OFD1: variants seen among roughly 807,000 people sequenced by gnomAD.
OFD1 encodes centriole and centriolar satellite protein OFD1.
Under a neutral mutation model 81.4 loss-of-function variants are expected in OFD1, and 12 were observed. The ratio of observed to expected loss-of-function variants is 0.15; its 90% CI spans 0.09 to 0.24. The LOEUF (loss-of-function observed/expected upper bound fraction) is 0.24, where lower values mean the gene tolerates loss of function less well. OFD1 is among the 10% of genes least tolerant of loss of function. The pLI is 1.00. For synonymous variants in OFD1, 256 were observed against 263.7 expected (o/e 0.97, Z 0.28); for missense variants, 685 against 733.9 (o/e 0.93, Z 0.77).
rs1349490936 is a variant in OFD1, at chrX:13,734,752, G to A, written c.-320G>A. 11 of 1,041,508 alleles carry A rather than the reference G, an allele frequency of 1.1e-5. No homozygotes were observed. The highest frequency in any genetic ancestry group is 3.8e-4 in the Middle Eastern group (1 of 2,605). 85.8% of individuals were successfully genotyped at this position (1,041,508 alleles called of 1,213,427 possible). The stretch of plus-strand genomic sequence containing the variant: ...CAGGTTTCCGGAAGTTGCCGGACTG[G>A]CTGTGAGGCGGTCCTGCCTCGCTGC... On this transcript the variant is annotated 5_prime_UTR_variant, in exon 1 of 23. Coordinates refer to ENST00000340096, the MANE Select transcript of OFD1 (RefSeq NM_003611.3).
At chrX:13,733,205 T>G (rs1222138203), upstream of OFD1, among the ~76,000 whole-genome samples, 1 of 110,923 alleles carries the variant, frequency 9.0e-6, no homozygotes, top group Non-Finnish European at 1.9e-5. Context: ...CATATCAACA[T>G]CTTTTTAGAA....
chrX:13,744,970 A>G (rs1333142489), intron 6 of OFD1, among the ~76,000 whole-genome samples: 2 of 112,111 alleles, frequency 1.8e-5, no homozygotes, highest in Non-Finnish European at 3.8e-5. Context: ...TCTGCATCAG[A>G]ACTAATAGTG....
chrX:13,751,059 A>G (rs1301082083), intron 9 of OFD1, among the ~76,000 whole-genome samples, 190 bp from the exon 10 acceptor site: 3 of 112,036 alleles, frequency 2.7e-5, no homozygotes, highest in African/African-American at 9.7e-5. Flanking sequence ...CAATTCTGCT[A>G]GTTTCAATAT....
upstream of OFD1, chrX:13,734,685 C>T: frequency 9.5e-6 from 9 of 951,799 alleles, no homozygotes; most frequent in Non-Finnish European, 1.2e-5. Flanking sequence ...GGCAACCAAG[C>T]TCATGCGCCG....
In OFD1 at chrX:13,769,210, A is replaced by T; in HGVS notation, c.*102A>T. The T allele has an allele frequency of 1.5e-6, 1 of 679,225 alleles. No homozygotes were observed. The highest frequency in any genetic ancestry group is 2.4e-6 in the Non-Finnish European group (1 of 418,566). The allele number at this position is 679,225 out of a possible 1,213,427, so 56.0% of individuals were successfully genotyped here. ...TATCATCAGACAAAACTCAATAAAA[A>T]TGTGTGTAATCCAATGTGGGTTTTT... On this transcript the variant is annotated 3_prime_UTR_variant, in exon 23 of 23. Transcript: ENST00000340096.
At chrX:13,722,392 G>T in the OFD1 span, among the ~76,000 whole-genome samples, 4 of 110,582 alleles carry the variant, frequency 3.6e-5, no homozygotes, top group African/African-American at 1.3e-4. Context: ...CCGACTGCAT[G>T]AGGATGCTGT....
Position 13,767,267 on chromosome X carries a change from A to G in OFD1, c.2740A>G (p.Lys914Glu). Reference sequence around the variant, plus strand: ...AGAAAGGGAACGAAGAGAACTAGAAAAACTGTATCAGGAAAGGGTAATAAG... The same window carrying G: ...AGAAAGGGAACGAAGAGAACTAGAAGAACTGTATCAGGAAAGGGTAATAAG... Reference protein sequence around the residue: ...VLERERRELEKLYQERKMIEE... With the variant: ...VLERERRELEELYQERKMIEE... Residue 914 changes from lysine to glutamate, a missense_variant, in exon 20 of 23, where the codon AAA (lysine) becomes GAA (glutamate). Physicochemically the swap from Lys to Glu is moderately conservative, Grantham distance 56 (BLOSUM62 1). This residue lies in a region of OFD1 where 259 missense variants were observed against 254.4 expected (regional missense o/e 1.02). Coordinates refer to ENST00000340096, the MANE Select transcript of OFD1 (RefSeq NM_003611.3). 1 of 1,211,524 alleles carries G rather than the reference A, an allele frequency of 8.3e-7. No individual in the cohort carries two copies. The highest frequency in any genetic ancestry group is 1.7e-5 in the African/African-American group (1 of 57,808).
At chrX:13,741,155 T>G (rs2047084547) in intron 5 of OFD1, among the ~76,000 whole-genome samples, 1 of 110,389 alleles carries the variant, frequency 9.1e-6, no homozygotes, top group Non-Finnish European at 1.9e-5. Flanking sequence ...AAAAAAATAG[T>G]TTTTACACAG....
intron 8 of OFD1, among the ~76,000 whole-genome samples, chrX:13,748,215 ACTTCAAC>A (rs1472716141): frequency 8.9e-6 from 1 of 112,415 alleles, no homozygotes; most frequent in Non-Finnish European, 1.9e-5. Context: ...TAGACTAATA[ACTTCAAC>A]CTTCAAGATA....
chrX:13,746,539 T>C lies in OFD1; in HGVS notation c.654+84T>C, dbSNP rs1006042515. 4.6e-6 allele frequency: 5 copies of C among 1,088,872 alleles called. No homozygotes were observed. The Admixed American group carries it at 9.0e-5, about 20-fold the overall frequency. 89.7% of individuals were successfully genotyped at this position (1,088,872 alleles called of 1,213,427 possible). ...TTAACCATAGGTATATGGGAAAATA[T>C]CTAGAACTTTTAATAACGAATGGGA... On this transcript the variant is annotated intron_variant, in intron 7 of 22. Coordinates refer to ENST00000340096, the MANE Select transcript of OFD1 (RefSeq NM_003611.3).
chrX:13,772,912 C>A, downstream of OFD1: 1 of 1,210,121 alleles, frequency 8.3e-7, no homozygotes, highest in Non-Finnish European at 1.1e-6. Flanking sequence ...TTCTTTTGAC[C>A]GAGACTGGAT....
chrX:13,735,233 C>T lies in OFD1; in HGVS notation c.13-15C>T. 8.3e-7 allele frequency: 1 copy of T among 1,207,374 alleles called. No homozygotes were observed. Among genetic ancestry groups the T allele is most frequent in the Non-Finnish European group, 1.1e-6 (1 of 891,151 alleles). On this transcript the variant is annotated splice_polypyrimidine_tract_variant and intron_variant, in intron 1 of 22. Transcript: ENST00000340096. ...CTCTGCCCCGCAGGTAACCTATAACCATTTTGTCTTTTAGTCCAACATGTT... is the reference window on the plus strand; with the variant it reads ...CTCTGCCCCGCAGGTAACCTATAACTATTTTGTCTTTTAGTCCAACATGTT...
chrX:13,729,811 A>G (rs143602797), upstream of OFD1, among the ~76,000 whole-genome samples: 757 of 111,907 alleles, frequency 6.8e-3, 4 homozygotes, highest in African/African-American at 0.024. Flanking sequence ...GGGAGGCAGA[A>G]GCAGAAGAAT....
In OFD1 at chrX:13,753,289, A is replaced by G. The variant is rs149144959; in HGVS notation, c.1056-79A>G. 3.9e-4 allele frequency: 465 copies of G among 1,201,032 alleles called. 3 individuals are homozygous for G. In the African/African-American group the frequency reaches 6.7e-3, roughly 17 times the overall value. On this transcript the variant is annotated intron_variant, in intron 10 of 22. Coordinates refer to ENST00000340096, the MANE Select transcript of OFD1 (RefSeq NM_003611.3). ...TAGCACCCTCAGGTGCTCCTGTGCC[A>G]TAGATAAGCTCCTGCACTGATAACA...
At chrX:13,748,811 G>A (rs1308141096) in intron 8 of OFD1, among the ~76,000 whole-genome samples, 1 of 110,859 alleles carries the variant, frequency 9.0e-6, no homozygotes, top group African/African-American at 3.3e-5. Flanking sequence ...TTCTTTCTGG[G>A]GAACTTGCCA....
At chrX:13,742,096 A>G (rs2047128448) in intron 5 of OFD1, among the ~76,000 whole-genome samples, 1 of 112,394 alleles carries the variant, frequency 8.9e-6, no homozygotes, top group Non-Finnish European at 1.9e-5. Flanking sequence ...TGGAAGTAAA[A>G]ATTCTTATCT....
intron 19 of OFD1, 80 bp downstream of exon 19, chrX:13,763,935 T>TG: frequency 2.6e-6 from 2 of 758,800 alleles, no homozygotes; most frequent in Non-Finnish European, 2.0e-6. Context: ...TTATTTCATG[T>TG]ATCACTGAAG....
the OFD1 span, among the ~76,000 whole-genome samples, chrX:13,727,680 A>G: frequency 6.2e-5 from 7 of 112,335 alleles, no homozygotes; most frequent in Non-Finnish European, 1.1e-4. Flanking sequence ...TAACATTGCA[A>G]TTAAAAGAAC....
chrX:13,742,139 A>T (rs1319988799), intron 5 of OFD1, among the ~76,000 whole-genome samples: 2 of 112,500 alleles, frequency 1.8e-5, no homozygotes, highest in African/African-American at 6.5e-5. Context: ...ATATACATCA[A>T]TGGGGACAGA....
Sources: gnomAD v4.1 joint callset for allele counts (sites outside exome capture counted in the v4.1 genomes callset) on GRCh38, gnomAD v4.1.1 for gene constraint, gnomAD v4.1.1 regional missense constraint, MANE v1.5 for transcripts, NCBI Gene and HGNC (gene_info 2026-07-23, HGNC 2026-07-21) for gene names.